ADGB: variants seen among roughly 807,000 people sequenced by gnomAD.
The protein encoded by ADGB is calpain-7-like protein.
ADGB carries 172 observed loss-of-function variants against 210.5 expected under a neutral mutation model. The observed-to-expected ratio is 0.82, with a 90% CI of 0.72 to 0.93. The LOEUF (loss-of-function observed/expected upper bound fraction) is 0.93, where lower values mean the gene tolerates loss of function less well. Among genes scored for constraint, ADGB ranks in the 40% least tolerant of loss-of-function variants. ADGB has a pLI of 0.00. For missense variants in ADGB, 2,025 were observed against 1,964.8 expected, an observed-to-expected ratio of 1.03 and a Z score of -0.58; for synonymous variants, 658 against 662.7, an observed-to-expected ratio of 0.99 and a Z score of 0.11.
chr6:146,783,560 AG>A (rs1777831495), intron 30 of ADGB, among the ~76,000 whole-genome samples: 2 of 152,222 alleles, frequency 1.3e-5, no homozygotes, highest in South Asian at 4.1e-4. Context: ...CTGTGTTAAA[AG>A]GAGGAAATAA....
intron 13 of ADGB, among the ~76,000 whole-genome samples, chr6:146,713,086 A>G (rs1157566021): frequency 6.6e-6 from 1 of 152,206 alleles, no homozygotes; most frequent in African/African-American, 2.4e-5. Flanking sequence ...ACGTGTGTCA[A>G]GATTTCTTCC....
chr6:146,801,160 TTGTG>T lies in ADGB; in HGVS notation c.4538-15_4538-12del. ...TATTTTTTAAAGCCTAGGTTTTTTGTTGTGTGTGTGTTTTTTTTAAAGAAACAGG... is the reference window on the plus strand; with the variant it reads ...TATTTTTTAAAGCCTAGGTTTTTTGTTGTGTGTTTTTTTTAAAGAAACAGG... On this transcript the variant is annotated intron_variant, in intron 33 of 35. Coordinates refer to ENST00000397944, the MANE Select transcript of ADGB (RefSeq NM_024694.4). 7.3e-7 allele frequency: 1 copy of T among 1,364,716 alleles called. No homozygotes were observed. The highest frequency in any genetic ancestry group is 9.8e-7 in the Non-Finnish European group (1 of 1,020,730). The allele number at this position is 1,364,716 out of a possible 1,614,324, so 84.5% of individuals were successfully genotyped here.
At chr6:146,682,362 C>G (rs753025392) in intron 9 of ADGB, among the ~76,000 whole-genome samples, 6 of 152,080 alleles carry the variant, frequency 3.9e-5, no homozygotes, top group Non-Finnish European at 7.4e-5. Context: ...GCAAAAGCTT[C>G]TTTTGAGCAA....
intron 5 of ADGB, 66 bp downstream of exon 5, chr6:146,657,046 A>C (rs777924604): frequency 7.3e-6 from 10 of 1,367,318 alleles, no homozygotes; most frequent in Middle Eastern, 1.9e-4. Flanking sequence ...TTGTCCTGGC[A>C]TGGTGGCTCA....
chr6:146,759,813 T>C (rs570409616), intron 27 of ADGB, among the ~76,000 whole-genome samples: 2 of 152,028 alleles, frequency 1.3e-5, no homozygotes, highest in East Asian at 3.9e-4. Context: ...TTCTTGACTT[T>C]TGTTATCTGA....
At chr6:146,796,021 T>C (rs1337242018) in intron 33 of ADGB, among the ~76,000 whole-genome samples, 1 of 152,072 alleles carries the variant, frequency 6.6e-6, no homozygotes, top group East Asian at 1.9e-4. Context: ...AACATCAATG[T>C]ACACAAATAA....
chr6:146,777,262 A>G (rs979672612), intron 29 of ADGB, among the ~76,000 whole-genome samples: 2 of 152,106 alleles, frequency 1.3e-5, no homozygotes, highest in African/African-American at 4.8e-5. Context: ...AGACTTGAGT[A>G]AATTATATAA....
intron 33 of ADGB, among the ~76,000 whole-genome samples, chr6:146,790,341 C>T (rs1254931836): frequency 1.3e-5 from 2 of 152,152 alleles, no homozygotes; most frequent in Non-Finnish European, 2.9e-5. Flanking sequence ...CTTTCCTTGT[C>T]CACTACACTA....
chr6:146,745,476 T>A (rs1204444977), intron 25 of ADGB, among the ~76,000 whole-genome samples: 1 of 152,222 alleles, frequency 6.6e-6, no homozygotes, highest in African/African-American at 2.4e-5. Context: ...CAGTTTTACC[T>A]GTCATGTCAA....
intron 12 of ADGB, among the ~76,000 whole-genome samples, chr6:146,697,873 T>C (rs183930186): frequency 1.3e-5 from 2 of 152,228 alleles, no homozygotes; most frequent in Admixed American, 1.3e-4. Flanking sequence ...ACAAATATAA[T>C]GCAATAATAT....
At chr6:146,653,337 C>T (rs899511003) in intron 3 of ADGB, among the ~76,000 whole-genome samples, 1 of 151,912 alleles carries the variant, frequency 6.6e-6, no homozygotes, top group Non-Finnish European at 1.5e-5. Flanking sequence ...TTGAATCATC[C>T]CCAAACCACC....
At chr6:146,794,197 G>A (rs1053139746) in intron 33 of ADGB, among the ~76,000 whole-genome samples, 1 of 152,176 alleles carries the variant, frequency 6.6e-6, no homozygotes, top group Non-Finnish European at 1.5e-5. Context: ...AGTTTGTAAG[G>A]AGGCAGATAT....
At chr6:146,640,968 A>C (rs148338199) in intron 2 of ADGB, among the ~76,000 whole-genome samples, 2 of 152,154 alleles carry the variant, frequency 1.3e-5, no homozygotes, top group Non-Finnish European at 2.9e-5. Context: ...AGAAGAAATC[A>C]AACATCTCTG....
intron 26 of ADGB, among the ~76,000 whole-genome samples, chr6:146,746,382 TTTC>T (rs957966861): frequency 1.2e-4 from 18 of 152,142 alleles, no homozygotes; most frequent in African/African-American, 3.9e-4. Context: ...CTCTTACTAT[TTTC>T]TTCTTCTTCT....
chr6:146,813,859 T>C (rs1162365287), intron 35 of ADGB, among the ~76,000 whole-genome samples: 1 of 152,216 alleles, frequency 6.6e-6, no homozygotes, highest in Admixed American at 6.5e-5. Flanking sequence ...CCCATTTATG[T>C]GTGAGGCACA....
At chr6:146,784,393 T>G (rs1260796523) in intron 30 of ADGB, among the ~76,000 whole-genome samples, 1 of 152,210 alleles carries the variant, frequency 6.6e-6, no homozygotes, top group Non-Finnish European at 1.5e-5. Context: ...ATGACTATAT[T>G]ACAATTTGTT....
chr6:146,681,378 C>A (rs1776155090), intron 9 of ADGB, among the ~76,000 whole-genome samples: 1 of 152,112 alleles, frequency 6.6e-6, no homozygotes, highest in Admixed American at 6.6e-5. Flanking sequence ...GAAACAGATA[C>A]CAGATCTAGG....
At chr6:146,674,493 C>T (rs976987939) in intron 8 of ADGB, among the ~76,000 whole-genome samples, 3 of 152,104 alleles carry the variant, frequency 2.0e-5, no homozygotes, top group Non-Finnish European at 4.4e-5. Context: ...ATGGCTCCTC[C>T]ATTCTCATAG....
At chr6:146,719,923 C>A (rs913308) in intron 16 of ADGB, among the ~76,000 whole-genome samples, 66,689 of 151,936 alleles carry the variant, frequency 0.44, 14,982 homozygotes, top group Non-Finnish European at 0.51. Flanking sequence ...ACAAATGGAA[C>A]ATAGGGGGAG....
Sources: gnomAD v4.1 joint callset for allele counts (sites outside exome capture counted in the v4.1 genomes callset) on GRCh38, gnomAD v4.1.1 for gene constraint, MANE v1.5 for transcripts, NCBI Gene and HGNC (gene_info 2026-07-23, HGNC 2026-07-21) for gene names.